The following CRYBG1 variants were observed in gnomAD, a reference collection of about 807,000 sequenced individuals.
CRYBG1 encodes the protein beta/gamma crystallin domain-containing protein 1.
A neutral mutation model predicts 189.2 loss-of-function variants in CRYBG1; 139 were observed. The observed-to-expected ratio is 0.73, with a 90% CI of 0.64 to 0.85. The LOEUF (loss-of-function observed/expected upper bound fraction) is 0.85. CRYBG1 is among the 40% of genes least tolerant of loss of function. The pLI is 0.00. For missense variants in CRYBG1, 2,611 were observed against 2,675.8 expected (o/e 0.98, Z 0.53); for synonymous variants, 1,023 against 1,017.1 (o/e 1.01, Z -0.11).
intron 1 of CRYBG1, among the ~76,000 whole-genome samples, chr6:106,381,100 A>G (rs1269868684): frequency 6.6e-6 from 1 of 152,212 alleles, no homozygotes; most frequent in Admixed American, 6.5e-5. Context: ...TATATGTTTG[A>G]TGATCACTTT....
At chr6:106,562,311 T>G (rs1010544098) in intron 20 of CRYBG1, among the ~76,000 whole-genome samples, 1 of 152,178 alleles carries the variant, frequency 6.6e-6, no homozygotes, top group Admixed American at 6.5e-5. Flanking sequence ...AGTTGTAATA[T>G]GGAATCATGA....
At position 106,377,084 on chromosome 6, in the gene CRYBG1, CTCTTG is replaced by C. The variant is rs528843846; in HGVS notation, c.173+16008_173+16012del. Among the ~76,000 whole-genome samples the C allele has an allele frequency of 3.9e-4, 60 of 152,260 alleles. 1 individual carries two copies. The highest frequency in any genetic ancestry group is 1.4e-3 in the African/African-American group (60 of 41,558). On this transcript the variant is annotated intron_variant, in intron 1 of 21. Coordinates refer to ENST00000633556, the MANE Select transcript of CRYBG1 (RefSeq NM_001371242.2). Reference sequence around the variant, plus strand: ...CCTTCCCTGCCAAATGTTTCCAGTTCTCTTGTCTTATTTGGATAGTATTAGTTCAA... The same window carrying C: ...CCTTCCCTGCCAAATGTTTCCAGTTCTCTTATTTGGATAGTATTAGTTCAA...
chr6:106,464,132 G>A (rs1227869604), intron 2 of CRYBG1, among the ~76,000 whole-genome samples: 2 of 152,154 alleles, frequency 1.3e-5, no homozygotes, highest in African/African-American at 2.4e-5. Flanking sequence ...AAGGCAACCT[G>A]GGTCTTCTCC....
At position 106,555,775 on chromosome 6, in the gene CRYBG1, G is replaced by A. The variant is rs2114590643; in HGVS notation, c.5593G>A (p.Val1865Ile). Residue 1865 changes from valine to isoleucine, a missense_variant, in exon 17 of 22, where the codon GTA (valine) becomes ATA (isoleucine). By Grantham distance (29) the Val-to-Ile change is conservative (BLOSUM62 3). Coordinates refer to ENST00000633556, the MANE Select transcript of CRYBG1 (RefSeq NM_001371242.2). ...TGGTTTTTCCCATTGTAGCTGGGTT[G>A]TATATGATGGAGAAAATTTCACTGG... ...SCRVSGGSWV[V>I]YDGENFTGNQ... is the part of the protein sequence containing the mutation. 1 of 1,614,046 alleles carries A rather than the reference G, an allele frequency of 6.2e-7. No individual in the cohort carries two copies. The highest frequency in any genetic ancestry group is 2.2e-5 in the East Asian group (1 of 44,898).
At chr6:106,479,458 A>G (rs970147600) in intron 2 of CRYBG1, among the ~76,000 whole-genome samples, 1 of 152,196 alleles carries the variant, frequency 6.6e-6, no homozygotes, top group African/African-American at 2.4e-5. Context: ...AGCTCATAAA[A>G]CTGGATCGTA....
At chr6:106,378,867 T>C (rs1429594020) in intron 1 of CRYBG1, among the ~76,000 whole-genome samples, 1 of 152,202 alleles carries the variant, frequency 6.6e-6, no homozygotes. Context: ...AAAATGATGC[T>C]GGCCAGGTGT....
At chr6:106,519,073 G>A (rs1043556366) in intron 3 of CRYBG1, 58 bp from the exon 4 acceptor site, 81 of 1,520,560 alleles carry the variant, frequency 5.3e-5, no homozygotes, top group Non-Finnish European at 4.1e-5. Context: ...TAATTGGTTT[G>A]TGTGTTCACT....
chr6:106,535,245 T>C (rs1367040867), intron 8 of CRYBG1, among the ~76,000 whole-genome samples: 2 of 152,186 alleles, frequency 1.3e-5, no homozygotes, highest in Non-Finnish European at 2.9e-5. Context: ...GGTACATCTC[T>C]ATGTATTTTT....
intron 1 of CRYBG1, among the ~76,000 whole-genome samples, chr6:106,440,243 CCTCTCTCTCTCTCT>C (rs34075891): frequency 1.4e-5 from 2 of 147,498 alleles, no homozygotes; most frequent in Admixed American, 1.3e-4. Context: ...TTCCTTTCTT[CCTCTCTCTCTCTCT>C]CTCTCTCTCT....
intron 2 of CRYBG1, among the ~76,000 whole-genome samples, chr6:106,482,750 G>A (rs1305337644): frequency 6.6e-6 from 1 of 151,540 alleles, no homozygotes; most frequent in African/African-American, 2.4e-5. Context: ...ACTGCAGCCT[G>A]GGCGACAGAG....
chr6:106,512,472 T>TGGCG lies in CRYBG1; in HGVS notation c.1356_1359dup (p.Pro454GlyfsTer8), dbSNP rs748629269. The TGGCG allele has an allele frequency of 3.1e-6, 5 of 1,610,988 alleles. No individual in the cohort carries two copies. The African/African-American group carries it at 5.3e-5, about 17-fold the overall frequency. On this transcript the variant is annotated frameshift_variant, in exon 3 of 22. Transcript: ENST00000633556. LOFTEE classifies it high-confidence loss of function. ...GACGACGCGGTGTTCGACGACGAGG[T>TGGCG]GGCGCCAAACGCGGCCAGCGATAAC...
At chr6:106,498,407 C>A (rs1391455348) in intron 2 of CRYBG1, among the ~76,000 whole-genome samples, 1 of 152,114 alleles carries the variant, frequency 6.6e-6, no homozygotes, top group African/African-American at 2.4e-5. Context: ...ATCCGGAACG[C>A]CATAATCCCG....
At chr6:106,462,484 T>A (rs570548005) in intron 2 of CRYBG1, among the ~76,000 whole-genome samples, 1 of 152,344 alleles carries the variant, frequency 6.6e-6, no homozygotes, top group African/African-American at 2.4e-5. Flanking sequence ...ACAGTGTTTT[T>A]GCAGCTGGTT....
At chr6:106,556,075 C>T (rs1344812389) in intron 17 of CRYBG1, among the ~76,000 whole-genome samples, 178 bp downstream of exon 17, 1 of 152,152 alleles carries the variant, frequency 6.6e-6, no homozygotes, top group Non-Finnish European at 1.5e-5. Flanking sequence ...ACACGTTTTC[C>T]ACCACCCTGT....
Position 106,512,369 on chromosome 6 carries a change from T to A in CRYBG1, c.1252T>A (p.Ser418Thr), listed in dbSNP as rs1373525482. 2.5e-6 allele frequency: 4 copies of A among 1,611,236 alleles called. No homozygotes were observed. The highest frequency in any genetic ancestry group is 8.5e-7 in the Non-Finnish European group (1 of 1,179,354). The change falls in exon 3 of 22, where the codon TCG becomes ACG. Residue 418 changes from serine to threonine, a missense_variant. This residue lies in a region of CRYBG1 where 985 missense variants were observed against 924.4 expected (regional missense o/e 1.07). Transcript: ENST00000633556. ...GGAGAAGAGGTCCAGCGGCCGTAGG[T>A]CGGGGAGGCGGAGGGGGTCGCAGAA... ...DMEKRSSGRR[S>T]GRRRGSQKST... is the part of the protein sequence containing the mutation.
intron 2 of CRYBG1, among the ~76,000 whole-genome samples, chr6:106,480,125 A>C (rs2114478195): frequency 6.6e-6 from 1 of 152,274 alleles, no homozygotes; most frequent in South Asian, 2.1e-4. Context: ...TTTTGCTAGA[A>C]ATACAGTCTG....
intron 10 of CRYBG1, among the ~76,000 whole-genome samples, chr6:106,542,992 TA>T (rs202160751): frequency 6.7e-6 from 1 of 150,326 alleles, no homozygotes; most frequent in Non-Finnish European, 1.5e-5. Flanking sequence ...TATTTTATTT[TA>T]TTTTATTTTA....
intron 2 of CRYBG1, among the ~76,000 whole-genome samples, chr6:106,482,513 C>G (rs2353059): frequency 1.3e-5 from 2 of 152,092 alleles, no homozygotes; most frequent in Admixed American, 1.3e-4. Flanking sequence ...TGGTGGCTCA[C>G]GCCTATAATC....
intron 3 of CRYBG1, among the ~76,000 whole-genome samples, chr6:106,518,830 G>A (rs1043731369): frequency 1.3e-5 from 2 of 152,064 alleles, no homozygotes. Context: ...TGTGTGATAT[G>A]TGCCTGTAGT....
Sources: gnomAD v4.1 joint callset for allele counts (sites outside exome capture counted in the v4.1 genomes callset) on GRCh38, gnomAD v4.1.1 for gene constraint, gnomAD v4.1.1 regional missense constraint, MANE v1.5 for transcripts, NCBI Gene and HGNC (gene_info 2026-07-23, HGNC 2026-07-21) for gene names.